The following SHISA6 variants were observed in gnomAD, a reference collection of about 807,000 sequenced individuals.
SHISA6 encodes the protein protein shisa-6.
SHISA6 carries 22 observed loss-of-function variants against 47.9 expected under a neutral mutation model. The ratio of observed to expected loss-of-function variants is 0.46; its 90% CI spans 0.33 to 0.66. The LOEUF (loss-of-function observed/expected upper bound fraction) is 0.66, where lower values mean the gene tolerates loss of function less well. SHISA6 is among the 30% of genes least tolerant of loss of function. The pLI, the probability that SHISA6 is intolerant of heterozygous loss-of-function variation, is 0.02. For missense variants in SHISA6, 680 were observed against 764.6 expected (o/e 0.89, Z 1.30); for synonymous variants, 388 against 337.8 (o/e 1.15, Z -1.63).
chr17:11,506,405 C>T (rs1016054768), intron 3 of SHISA6, among the ~76,000 whole-genome samples: 1 of 152,170 alleles, frequency 6.6e-6, no homozygotes, highest in Non-Finnish European at 1.5e-5. Context: ...GTATCACACA[C>T]AAGTAATTTA....
At chr17:11,250,962 A>G (rs749917979) in intron 1 of SHISA6, among the ~76,000 whole-genome samples, 2 of 152,090 alleles carry the variant, frequency 1.3e-5, no homozygotes, top group Non-Finnish European at 2.9e-5. Flanking sequence ...GCTTGCACCT[A>G]ACCTGCATTA....
At chr17:11,382,436 G>C (rs1913041844) in intron 3 of SHISA6, among the ~76,000 whole-genome samples, 2 of 152,178 alleles carry the variant, frequency 1.3e-5, no homozygotes, top group Non-Finnish European at 2.9e-5. Context: ...GGGATCTCTG[G>C]AAAAGGGCAA....
At position 11,436,567 on chromosome 17, in the gene SHISA6, G is replaced by A. The variant is rs150970971; in HGVS notation, c.895+57058G>A. On this transcript the variant is annotated intron_variant, in intron 3 of 5. Coordinates refer to ENST00000441885, the MANE Select transcript of SHISA6 (RefSeq NM_207386.4). The stretch of plus-strand genomic sequence containing the variant: ...AGCATCCCTTTATTTCTTCTTGATT[G>A]TACTCATACTAATCGATTTAACTAC... Among the ~76,000 whole-genome samples, 1,213 of 152,068 alleles carry A rather than the reference G, an allele frequency of 8.0e-3. 24 individuals are homozygous for A. The highest frequency in any genetic ancestry group is 0.028 in the African/African-American group (1,146 of 41,476).
intron 3 of SHISA6, among the ~76,000 whole-genome samples, chr17:11,436,149 C>CTCTT (rs1295091960): frequency 6.6e-6 from 1 of 152,122 alleles, no homozygotes; most frequent in East Asian, 1.9e-4. Context: ...TCTGGGCCCT[C>CTCTT]TCTTTCTTTC....
chr17:11,294,487 G>A (rs190963404), intron 2 of SHISA6, among the ~76,000 whole-genome samples: 26 of 152,328 alleles, frequency 1.7e-4, no homozygotes, highest in African/African-American at 6.3e-4. Flanking sequence ...GGCATGAGCA[G>A]GTTGCTCCCC....
chr17:11,366,934 A>G (rs565116078), intron 2 of SHISA6, among the ~76,000 whole-genome samples: 3 of 152,316 alleles, frequency 2.0e-5, no homozygotes, highest in African/African-American at 2.4e-5. Context: ...GGCAGATATA[A>G]TCAAATTAAG....
intron 2 of SHISA6, among the ~76,000 whole-genome samples, chr17:11,296,261 A>G (rs1909748726): frequency 6.6e-6 from 1 of 152,106 alleles, no homozygotes; most frequent in South Asian, 2.1e-4. Flanking sequence ...TGTTTGGAGA[A>G]TGGGCTGAGG....
rs184108723 is a variant in SHISA6, at chr17:11,261,458, G to A, written c.639-1908G>A. Among the ~76,000 whole-genome samples, 42 of 152,324 alleles carry A rather than the reference G, an allele frequency of 2.8e-4. No homozygotes were observed. The East Asian group carries it at 3.5e-3, about 13-fold the overall frequency. On this transcript the variant is annotated intron_variant, in intron 1 of 5. Transcript: ENST00000441885. ...TCTCCCAGAAGATACATCGCATAGC[G>A]CAAGCTGCTTTCTTCTTTTCTCACA...
intron 2 of SHISA6, among the ~76,000 whole-genome samples, chr17:11,354,823 A>G (rs192151540): frequency 3.6e-4 from 55 of 152,294 alleles, no homozygotes; most frequent in Admixed American, 2.7e-3. Context: ...TTTTAAATGA[A>G]ATGTGACGGA....
chr17:11,539,557 C>T (rs113833459), intron 3 of SHISA6, among the ~76,000 whole-genome samples: 7 of 152,222 alleles, frequency 4.6e-5, no homozygotes, highest in Admixed American at 6.5e-5. Flanking sequence ...TGCTACCAAA[C>T]GTGAGGAAAC....
intron 2 of SHISA6, among the ~76,000 whole-genome samples, chr17:11,373,876 T>C (rs1912704795): frequency 6.6e-6 from 1 of 152,244 alleles, no homozygotes; most frequent in African/African-American, 2.4e-5. Flanking sequence ...TGCTGGTGCC[T>C]ATCTCCTTAT....
chr17:11,429,523 G>C (rs1394600404), intron 3 of SHISA6, among the ~76,000 whole-genome samples: 2 of 151,456 alleles, frequency 1.3e-5, no homozygotes, highest in Non-Finnish European at 1.5e-5. Flanking sequence ...GCTCTCACCT[G>C]TAGTCCCAGC....
intron 2 of SHISA6, among the ~76,000 whole-genome samples, chr17:11,267,436 A>G (rs1481233052): frequency 6.6e-6 from 1 of 152,220 alleles, no homozygotes; most frequent in Admixed American, 6.5e-5. Flanking sequence ...CTCAGTGATT[A>G]TCAGCCCTTG....
intron 3 of SHISA6, among the ~76,000 whole-genome samples, chr17:11,494,017 C>A (rs2071388099): frequency 6.6e-6 from 1 of 151,832 alleles, no homozygotes; most frequent in African/African-American, 2.4e-5. Context: ...GGAGAAATAC[C>A]AATTAAGTCA....
At chr17:11,358,259 T>C (rs1301898816) in intron 2 of SHISA6, among the ~76,000 whole-genome samples, 1 of 152,190 alleles carries the variant, frequency 6.6e-6, no homozygotes, top group Non-Finnish European at 1.5e-5. Flanking sequence ...GCTACTAGTC[T>C]AGGTACCTCA....
At chr17:11,365,903 G>A (rs1485117524) in intron 2 of SHISA6, among the ~76,000 whole-genome samples, 1 of 152,190 alleles carries the variant, frequency 6.6e-6, no homozygotes, top group African/African-American at 2.4e-5. Context: ...GTCTCTCTCA[G>A]GAGGCAAGCC....
At chr17:11,350,187 T>TA (rs1911833871) in intron 2 of SHISA6, among the ~76,000 whole-genome samples, 1 of 139,190 alleles carries the variant, frequency 7.2e-6, no homozygotes, top group African/African-American at 2.8e-5. Context: ...TATTTATTTT[T>TA]TTTTTTTTTT....
At chr17:11,343,771 A>G (rs1911610890) in intron 2 of SHISA6, among the ~76,000 whole-genome samples, 1 of 152,258 alleles carries the variant, frequency 6.6e-6, no homozygotes, top group Admixed American at 6.5e-5. Flanking sequence ...TCCAGCTGCT[A>G]TAGTCATGTC....
chr17:11,268,286 T>C (rs1007312894), intron 2 of SHISA6, among the ~76,000 whole-genome samples: 1 of 152,020 alleles, frequency 6.6e-6, no homozygotes, highest in South Asian at 2.1e-4. Context: ...GGGTCATGAC[T>C]CTCTAAGCTT....
Sources: allele counts gnomAD v4.1 joint callset (sites outside exome capture counted in the v4.1 genomes callset), GRCh38; gene constraint gnomAD v4.1.1; transcripts MANE v1.5; gene names NCBI Gene and HGNC (gene_info 2026-07-23, HGNC 2026-07-21).